Variants in ARHGAP35 observed in about 807,000 individuals in gnomAD.
ARHGAP35 encodes Rho GTPase activating protein 35, also known as rho GTPase-activating protein 35.
In ARHGAP35, 15 loss-of-function variants were observed where a neutral mutation model predicts 111.1. The ratio of observed to expected loss-of-function variants is 0.13; its 90% CI spans 0.09 to 0.21. The LOEUF is 0.21. Ranked by LOEUF, ARHGAP35 falls within the 10% of genes least tolerant of loss-of-function variation. The probability of loss-of-function intolerance (pLI) is 1.00; values close to 1 mark genes in which losing one functional copy is unlikely to be tolerated. For missense variants in ARHGAP35, 1,262 were observed against 1,873.0 expected, an observed-to-expected ratio of 0.67 and a Z score of 6.02; for synonymous variants, 643 against 710.3, an observed-to-expected ratio of 0.91 and a Z score of 1.51.
At chr19:46,912,354 T>TC in intron 1 of ARHGAP35, among the ~76,000 whole-genome samples, 1 of 148,174 alleles carries the variant, frequency 6.7e-6, no homozygotes, top group East Asian at 2.0e-4. Flanking sequence ...AGTGTTCTCT[T>TC]CCTTTTTTTT....
In ARHGAP35 at chr19:46,889,070, G is replaced by A. The variant is rs555933431; in HGVS notation, c.-189+27861G>A. Among the ~76,000 whole-genome samples, 6 of 152,196 alleles carry A rather than the reference G, an allele frequency of 3.9e-5. No homozygotes were observed. In the South Asian group the frequency reaches 1.2e-3, roughly 32 times the overall value. ...ATGGTGGCTCACACCTGTAACCCCT[G>A]CACTTTGGGAGGCCGAGGCAGGTGG... On this transcript the variant is annotated intron_variant, in intron 1 of 6. Transcript: ENST00000672722.
chr19:46,971,330 C>T (rs2056547417), intron 3 of ARHGAP35, among the ~76,000 whole-genome samples: 3 of 151,458 alleles, frequency 2.0e-5, no homozygotes, highest in South Asian at 2.1e-4. Context: ...CGCTTGAACC[C>T]GGGAGGCAGA....
At chr19:46,861,731 G>T (rs2055829225) in intron 1 of ARHGAP35, among the ~76,000 whole-genome samples, 1 of 151,900 alleles carries the variant, frequency 6.6e-6, no homozygotes, top group Non-Finnish European at 1.5e-5. Context: ...TCTGTCCTCG[G>T]CCCCTTCTTT....
intron 3 of ARHGAP35, among the ~76,000 whole-genome samples, chr19:46,944,039 C>T (rs2056364521): frequency 6.6e-6 from 1 of 152,106 alleles, no homozygotes; most frequent in Non-Finnish European, 1.5e-5. Flanking sequence ...ATGGCTCATG[C>T]CTGTAATCCC....
At chr19:46,934,168 T>G (rs2056290108) in intron 2 of ARHGAP35, among the ~76,000 whole-genome samples, 1 of 152,240 alleles carries the variant, frequency 6.6e-6, no homozygotes, top group Admixed American at 6.5e-5. Flanking sequence ...TGAATGTGAT[T>G]TAAGTACAGA....
chr19:46,963,753 G>A (rs1384368495), intron 3 of ARHGAP35, among the ~76,000 whole-genome samples: 1 of 152,090 alleles, frequency 6.6e-6, no homozygotes, highest in African/African-American at 2.4e-5. Context: ...GGACTTAATC[G>A]GTGTCCTCCA....
At chr19:46,867,695 C>T (rs1235962293) in intron 1 of ARHGAP35, among the ~76,000 whole-genome samples, 1 of 152,020 alleles carries the variant, frequency 6.6e-6, no homozygotes, top group Non-Finnish European at 1.5e-5. Context: ...AGCAAAAATA[C>T]CTTGTACTTG....
intron 3 of ARHGAP35, among the ~76,000 whole-genome samples, chr19:46,960,417 C>T (rs1239287043): frequency 1.3e-5 from 2 of 152,140 alleles, no homozygotes; most frequent in Non-Finnish European, 2.9e-5. Flanking sequence ...TGATAGACCC[C>T]TAGATTCCTG....
chr19:46,972,372 A>ACCC (rs1483279430), intron 3 of ARHGAP35, among the ~76,000 whole-genome samples: 8 of 152,248 alleles, frequency 5.3e-5, no homozygotes, highest in African/African-American at 1.9e-4. Context: ...CTGAGAACAA[A>ACCC]TTGCAGTGTT....
rs745810166 is a variant in ARHGAP35, at chr19:46,993,051, T to C, written c.4036+3376T>C. Among the ~76,000 whole-genome samples, 1 of 152,214 alleles carries C rather than the reference T, an allele frequency of 6.6e-6. No homozygotes were observed. The highest frequency in any genetic ancestry group is 1.5e-5 in the Non-Finnish European group (1 of 68,036). ...ATTTCACAGCTAGCCAGGCCCCGTG[T>C]GGACAGGGACAGATGGCAGTGGGCA... On this transcript the variant is annotated intron_variant, in intron 5 of 6. Coordinates refer to ENST00000672722, the MANE Select transcript of ARHGAP35 (RefSeq NM_004491.5). The surrounding 1 kb of genome is among the most constrained non-coding windows in gnomAD (Gnocchi z 4.6).
chr19:46,943,630 A>C (rs1161095016), intron 3 of ARHGAP35, among the ~76,000 whole-genome samples: 2 of 152,154 alleles, frequency 1.3e-5, no homozygotes, highest in Admixed American at 6.5e-5. Flanking sequence ...ATTAGAGATG[A>C]CATTCCCAAT....
At chr19:46,865,503 C>T (rs144874909) in intron 1 of ARHGAP35, among the ~76,000 whole-genome samples, 8 of 152,074 alleles carry the variant, frequency 5.3e-5, no homozygotes, top group African/African-American at 1.9e-4. Context: ...AAGAAGTTGT[C>T]GGTGTGCAGA....
chr19:46,877,522 C>G (rs1213076858), intron 1 of ARHGAP35, among the ~76,000 whole-genome samples: 1 of 152,000 alleles, frequency 6.6e-6, no homozygotes, highest in Non-Finnish European at 1.5e-5. Context: ...CATGATCACA[C>G]CATTGCACTC....
chr19:46,895,265 G>T (rs1044134541), intron 1 of ARHGAP35, among the ~76,000 whole-genome samples: 1 of 151,318 alleles, frequency 6.6e-6, no homozygotes, highest in African/African-American at 2.4e-5. Flanking sequence ...CCGGGTTCAC[G>T]CCATTCTCCT....
At chr19:46,959,371 T>A (rs534216240) in intron 3 of ARHGAP35, among the ~76,000 whole-genome samples, 1 of 150,432 alleles carries the variant, frequency 6.6e-6, no homozygotes, top group African/African-American at 2.4e-5. Context: ...CTCCTTTTTT[T>A]ATTTATTTTT....
At position 46,999,514 on chromosome 19, in the gene ARHGAP35, GCC is replaced by G. The variant is rs1407292591; in HGVS notation, c.4142+107_4142+108del. ...GTCCACAAGCCAGTAGAAGCCTCAG[GCC>G]CTGGCCTGGAAGGGGTGCTGGCTGG... On this transcript the variant is annotated intron_variant, in intron 6 of 6. Transcript: ENST00000672722. The surrounding 1 kb of genome is among the most constrained non-coding windows in gnomAD (Gnocchi z 5.4). The G allele has an allele frequency of 1.3e-6, 1 of 785,068 alleles. No individual in the cohort carries two copies. The highest frequency in any genetic ancestry group is 1.7e-5 in the African/African-American group (1 of 57,182). The allele number at this position is 785,068 out of a possible 1,614,324, so 48.6% of individuals were successfully genotyped here. A position where few individuals can be genotyped will look rare whatever the true frequency, so the allele number is the denominator to read the frequency against.
intron 3 of ARHGAP35, among the ~76,000 whole-genome samples, chr19:46,964,754 G>T (rs144014257): frequency 3.9e-5 from 6 of 152,286 alleles, no homozygotes; most frequent in Admixed American, 1.3e-4. Context: ...GGTTCTACCA[G>T]GGTAATAAGG....
At chr19:46,878,554 A>G (rs940273861) in intron 1 of ARHGAP35, among the ~76,000 whole-genome samples, 4 of 152,144 alleles carry the variant, frequency 2.6e-5, no homozygotes, top group Non-Finnish European at 4.4e-5. Context: ...CTTAGCCTCA[A>G]GTGATTTGCC....
rs181410704 is a variant in ARHGAP35 at position 46,983,240 on chromosome 19, C to A, written c.3827-4749C>A. Among the ~76,000 whole-genome samples the A allele has an allele frequency of 3.8e-3, 572 of 152,106 alleles. 3 individuals are homozygous for A. The highest frequency in any genetic ancestry group is 0.013 in the African/African-American group (554 of 41,466). On this transcript the variant is annotated intron_variant, in intron 3 of 6. Transcript: ENST00000672722. Reference sequence around the variant, plus strand: ...ATAGAAGAAGAACTCAGGTAGGATTCAAATCCCATCTGTGCGACTCACTCA... The same window carrying A: ...ATAGAAGAAGAACTCAGGTAGGATTAAAATCCCATCTGTGCGACTCACTCA...
Sources: gnomAD v4.1 joint callset for allele counts (sites outside exome capture counted in the v4.1 genomes callset) on GRCh38, gnomAD v4.1.1 for gene constraint, Gnocchi (gnomAD v3.1) non-coding constraint, MANE v1.5 for transcripts, NCBI Gene and HGNC (gene_info 2026-07-23, HGNC 2026-07-21) for gene names.